RABGAP1L: variants seen among roughly 807,000 people sequenced by gnomAD.
The protein encoded by RABGAP1L is RAB GTPase activating protein 1 like.
Under a neutral mutation model 137.7 loss-of-function variants are expected in RABGAP1L, and 63 were observed. The observed-to-expected ratio is 0.46, with a 90% CI of 0.37 to 0.56. RABGAP1L has a LOEUF of 0.56. Ranked by LOEUF, RABGAP1L falls within the 20% of genes least tolerant of loss-of-function variation. The pLI, the probability that RABGAP1L is intolerant of heterozygous loss-of-function variation, is 0.00. For synonymous variants in RABGAP1L, 431 were observed against 433.7 expected, an observed-to-expected ratio of 0.99 and a Z score of 0.08; for missense variants, 1,095 against 1,244.0, an observed-to-expected ratio of 0.88 and a Z score of 1.80.
chr1:174,614,643 A>C (rs141774212), intron 13 of RABGAP1L, among the ~76,000 whole-genome samples: 2 of 152,164 alleles, frequency 1.3e-5, no homozygotes, highest in Admixed American at 6.5e-5. Flanking sequence ...AGATTGGGGA[A>C]GTTCTCCTGA....
chr1:174,203,408 G>T (rs1302440229), intron 1 of RABGAP1L, among the ~76,000 whole-genome samples: 1 of 152,202 alleles, frequency 6.6e-6, no homozygotes, highest in African/African-American at 2.4e-5. Context: ...TCAAAGATCA[G>T]ATGGTTGTAG....
chr1:174,714,174 A>G (rs1045541296), intron 17 of RABGAP1L, among the ~76,000 whole-genome samples: 1 of 152,052 alleles, frequency 6.6e-6, no homozygotes, highest in African/African-American at 2.4e-5. Flanking sequence ...GTTAATTTAA[A>G]AAAAAAAAGA....
chr1:174,484,828 C>T (rs1193080167), intron 13 of RABGAP1L, among the ~76,000 whole-genome samples: 2 of 152,124 alleles, frequency 1.3e-5, no homozygotes, highest in African/African-American at 4.8e-5. Flanking sequence ...ATAACTTTGG[C>T]TATTCTGAGT....
rs1333374903 is a variant in RABGAP1L, at chr1:174,683,185, C to G, written c.1825-337C>G. Among the ~76,000 whole-genome samples the G allele has an allele frequency of 5.3e-5, 8 of 149,714 alleles. 1 individual carries two copies. The Admixed American group carries it at 5.4e-4, about 10-fold the overall frequency. ...ACACTTCAACCTTAGAATCTTCTTA[C>G]TCTCTCCCACCCTTTGCCTCTGCCT... is the stretch of plus-strand genomic sequence containing the variant. On this transcript the variant is annotated intron_variant, in intron 14 of 25. Transcript: ENST00000681986.
At chr1:174,327,973 A>G (rs1462803969) in intron 11 of RABGAP1L, among the ~76,000 whole-genome samples, 5 of 14,006 alleles carry the variant, frequency 3.6e-4, no homozygotes, top group Admixed American at 1.7e-3. Context: ...ATATATATAT[A>G]TATATACACA....
At chr1:174,241,377 G>A in intron 4 of RABGAP1L, 106 bp from the exon 5 acceptor site, 1 of 727,464 alleles carries the variant, frequency 1.4e-6, no homozygotes, top group Non-Finnish European at 2.1e-6. Flanking sequence ...TATTGTCATA[G>A]TAAAACTATT....
At chr1:174,682,071 A>G (rs986315377) in intron 14 of RABGAP1L, among the ~76,000 whole-genome samples, 2 of 152,144 alleles carry the variant, frequency 1.3e-5, no homozygotes, top group African/African-American at 4.8e-5. Flanking sequence ...ACCTGAGGTC[A>G]GCAGTTCAAG....
intron 13 of RABGAP1L, among the ~76,000 whole-genome samples, chr1:174,630,887 T>C (rs1673323285): frequency 7.3e-6 from 1 of 136,512 alleles, no homozygotes; most frequent in African/African-American, 2.8e-5. Context: ...TGTGTCTCTA[T>C]TTCCTTCAGT....
rs1217137487 is a variant in RABGAP1L at position 174,307,424 on chromosome 1, A to C, written c.1465+2297A>C. 3.3e-5 allele frequency among the ~76,000 whole-genome samples: 5 copies of C among 152,156 alleles called. No homozygotes were observed. In the East Asian group the frequency reaches 9.6e-4, roughly 29 times the overall value. ...TTCTTAAACATTTTCGTCATCCAAG[A>C]GGAAATATTATACCTATTAAGCAGT... On this transcript the variant is annotated intron_variant, in intron 11 of 25. Transcript: ENST00000681986.
chr1:174,778,044 T>C (rs1686670735), intron 18 of RABGAP1L, among the ~76,000 whole-genome samples: 2 of 151,958 alleles, frequency 1.3e-5, no homozygotes, highest in African/African-American at 4.8e-5. Flanking sequence ...TTGATGAAAA[T>C]TATAGACCCA....
intron 14 of RABGAP1L, among the ~76,000 whole-genome samples, chr1:174,669,441 C>T (rs1476078304): frequency 1.3e-5 from 2 of 152,190 alleles, no homozygotes; most frequent in Non-Finnish European, 2.9e-5. Context: ...GTTGTCTCTT[C>T]ACTCTGTTGG....
intron 13 of RABGAP1L, among the ~76,000 whole-genome samples, chr1:174,550,924 A>ACACATG (rs1666426628): frequency 1.0e-5 from 1 of 98,742 alleles, no homozygotes; most frequent in Admixed American, 9.9e-5. Flanking sequence ...ACACACACAT[A>ACACATG]TATATATACA....
At chr1:174,493,352 A>G (rs1296205998) in intron 13 of RABGAP1L, among the ~76,000 whole-genome samples, 1 of 151,006 alleles carries the variant, frequency 6.6e-6, no homozygotes, top group Non-Finnish European at 1.5e-5. Flanking sequence ...CAGAGCAGAG[A>G]AAAATATATA....
intron 21 of RABGAP1L, among the ~76,000 whole-genome samples, chr1:174,974,596 C>T (rs1159069667): frequency 6.6e-6 from 1 of 152,128 alleles, no homozygotes; most frequent in Non-Finnish European, 1.5e-5. Context: ...GATTTTCCCC[C>T]CTAAAATCTA....
At chr1:174,547,828 G>T in intron 13 of RABGAP1L, 1 of 1,499,616 alleles carries the variant, frequency 6.7e-7, no homozygotes, top group Non-Finnish European at 9.1e-7. Context: ...TATTTATTTT[G>T]TCTTTTAGCA....
At chr1:174,383,779 C>T (rs771371191) in intron 12 of RABGAP1L, among the ~76,000 whole-genome samples, 17 of 152,194 alleles carry the variant, frequency 1.1e-4, no homozygotes, top group East Asian at 3.9e-4. Flanking sequence ...AGCTGTAGAC[C>T]GGAGCTGTTC....
At chr1:174,306,882 T>A (rs913610605) in intron 11 of RABGAP1L, among the ~76,000 whole-genome samples, 6 of 152,212 alleles carry the variant, frequency 3.9e-5, no homozygotes, top group Non-Finnish European at 7.3e-5. Flanking sequence ...GGGTATGGTT[T>A]ATTAATAGTA....
At chr1:174,906,758 G>T (rs1229939141) in intron 19 of RABGAP1L, among the ~76,000 whole-genome samples, 6 of 151,898 alleles carry the variant, frequency 4.0e-5, no homozygotes, top group Non-Finnish European at 8.8e-5. Context: ...AAAGATCAAA[G>T]ATAAGGAGAG....
chr1:174,928,053 T>G (rs1178639247), intron 19 of RABGAP1L, among the ~76,000 whole-genome samples: 1 of 152,252 alleles, frequency 6.6e-6, no homozygotes, highest in Non-Finnish European at 1.5e-5. Flanking sequence ...AACTCCTTAC[T>G]GTGCCCTATA....
Sources: allele counts gnomAD v4.1 joint callset (sites outside exome capture counted in the v4.1 genomes callset), GRCh38; gene constraint gnomAD v4.1.1; transcripts MANE v1.5; gene names NCBI Gene and HGNC (gene_info 2026-07-23, HGNC 2026-07-21).